Variants in STARD9 observed in about 807,000 individuals in gnomAD.
STARD9 encodes the protein stAR-related lipid transfer protein 9.
In STARD9, 346 loss-of-function variants were observed where a neutral mutation model predicts 399.8. That is an observed-to-expected ratio of 0.87 (90% CI 0.79 to 0.95). The LOEUF is 0.95. Among genes scored for constraint, STARD9 ranks in the 40% least tolerant of loss-of-function variants. The pLI is 0.00. For synonymous variants in STARD9, 2,203 were observed against 2,143.5 expected (o/e 1.03, Z -0.77); for missense variants, 5,832 against 5,667.5 (o/e 1.03, Z -0.93).
At chr15:42,677,089 TAAAAAAAAA>T (rs869040683) in intron 20 of STARD9, among the ~76,000 whole-genome samples, 19 of 53,606 alleles carry the variant, frequency 3.5e-4, no homozygotes, top group African/African-American at 8.7e-4. Flanking sequence ...CGTCTCTACT[TAAAAAAAAA>T]AAAAAAAAAA....
chr15:42,693,506 C>G lies in STARD9; in HGVS notation c.11928C>G (p.Phe3976Leu). ...SSLQRSNGRSFLELHSPHSPQ... is the reference protein window; with the variant it reads ...SSLQRSNGRSLLELHSPHSPQ... ...TACAAAGGAGTAATGGGAGATCCTT[C>G]CTTGAGTTGCACTCCCCACACAGCC... The change falls in exon 23 of 33, where the codon TTC becomes TTG. Residue 3976 changes from phenylalanine (F) to leucine (L), a missense_variant. Transcript: ENST00000290607. The G allele has an allele frequency of 6.5e-7, 1 of 1,537,248 alleles. No individual in the cohort carries two copies. The highest frequency in any genetic ancestry group is 1.2e-5 in the South Asian group (1 of 84,052).
intron 26 of STARD9, among the ~76,000 whole-genome samples, chr15:42,703,613 T>C (rs958348714): frequency 2.6e-5 from 4 of 151,616 alleles, no homozygotes; most frequent in African/African-American, 4.8e-5. Context: ...GACCTCATGA[T>C]CCACCCACCT....
rs1411873862 is a variant in STARD9 at position 42,687,917 on chromosome 15, G to C, written c.6339G>C (p.Gln2113His). The C allele has an allele frequency of 6.5e-7, 1 of 1,537,308 alleles. No individual in the cohort carries two copies. Reference sequence around the variant, plus strand: ...GAAACCCTTTGCCCTCTAAGGATCAGCCATCTTCTCCAAGACAGACAGATG... The same window carrying C: ...GAAACCCTTTGCCCTCTAAGGATCACCCATCTTCTCCAAGACAGACAGATG... ...SSGNPLPSKD[Q>H]PSSPRQTDDT... The change falls in exon 23 of 33, where the codon CAG becomes CAC. Residue 2113 changes from glutamine (Q) to histidine (H), a missense_variant. Gln to His is a conservative substitution (Grantham distance 24). This residue lies in a region of STARD9 where 5,828 missense variants were observed against 5,651.1 expected (regional missense o/e 1.03). Coordinates refer to ENST00000290607, the MANE Select transcript of STARD9 (RefSeq NM_020759.3).
rs2060719516 is a variant in STARD9, at chr15:42,692,005, A to G, written c.10427A>G (p.Glu3476Gly). The G allele has an allele frequency of 2.0e-6, 3 of 1,537,120 alleles. No individual in the cohort carries two copies. In the South Asian group the frequency reaches 3.6e-5, roughly 18 times the overall value. Residue 3476 changes from glutamate (E) to glycine (G), a missense_variant, in exon 23 of 33, where the codon GAG becomes GGG. Glu to Gly is a moderately conservative substitution (Grantham distance 98, BLOSUM62 -2). Around this residue, in one of 2 missense-constraint regions of STARD9, gnomAD observed 5,828 missense variants for 5,651.1 expected, o/e 1.03. Transcript: ENST00000290607. The stretch of plus-strand genomic sequence containing the variant: ...CCCTATGCGCTGCCGTGGCGTCCGG[A>G]GGAGCCTGCACGTATCAGCTGGAAG... ...ISPYALPWRP[E>G]EPARISWKQY...
intron 1 of STARD9, among the ~76,000 whole-genome samples, chr15:42,582,654 A>G (rs554989541): frequency 3.0e-4 from 45 of 152,206 alleles, no homozygotes; most frequent in African/African-American, 1.1e-3. Flanking sequence ...AAAATGAGAG[A>G]TGATGCCGTG....
Position 42,663,868 on chromosome 15 carries a change from G to A in STARD9, c.1127G>A (p.Arg376Lys), listed in dbSNP as rs1397462632. The part of the protein sequence containing the change: ...TSYSETMSTL[R>K]YASSAKNIIN... Reference sequence around the variant, plus strand: ...TACAGTGAGACCATGAGCACACTGAGATATGCATCCAGTGCCAAAAACATT... The same window carrying A: ...TACAGTGAGACCATGAGCACACTGAAATATGCATCCAGTGCCAAAAACATT... The change falls in exon 13 of 33, where the codon AGA (arginine) becomes AAA (lysine). Residue 376 changes from arginine to lysine, a missense_variant. Physicochemically the swap from Arg to Lys is conservative, Grantham distance 26 (BLOSUM62 2). Around this residue, in one of 2 missense-constraint regions of STARD9, gnomAD observed 5,828 missense variants for 5,651.1 expected, o/e 1.03. Transcript: ENST00000290607. 2 of 1,536,976 alleles carry A rather than the reference G, an allele frequency of 1.3e-6. No individual in the cohort carries two copies. Among genetic ancestry groups the A allele is most frequent in the African/African-American group, 2.7e-5 (2 of 73,056 alleles).
In STARD9 at chr15:42,685,521, T is replaced by C; in HGVS notation, c.3943T>C (p.Ser1315Pro). 6.5e-7 allele frequency: 1 copy of C among 1,537,454 alleles called. No individual in the cohort carries two copies. The highest frequency in any genetic ancestry group is 8.7e-7 in the Non-Finnish European group (1 of 1,146,964). Reference protein sequence around the residue: ...QAESQVEPSYSEQADSLQGMQ... With the variant: ...QAESQVEPSYPEQADSLQGMQ... Reference sequence around the variant, plus strand: ...TGAATCACAGGTAGAGCCAAGCTACTCTGAACAAGCCGACTCTCTCCAAGG... The same window carrying C: ...TGAATCACAGGTAGAGCCAAGCTACCCTGAACAAGCCGACTCTCTCCAAGG... The change falls in exon 23 of 33, where the codon TCT becomes CCT. Residue 1315 changes from serine to proline, a missense_variant. By Grantham distance (74) the Ser-to-Pro change is moderately conservative. Around this residue, in one of 2 missense-constraint regions of STARD9, gnomAD observed 5,828 missense variants for 5,651.1 expected, o/e 1.03. Transcript: ENST00000290607.
intron 9 of STARD9, among the ~76,000 whole-genome samples, chr15:42,657,431 A>C (rs2059899802): frequency 6.6e-6 from 1 of 152,166 alleles, no homozygotes. Context: ...AGGGTCAGTC[A>C]GTACATTGAA....
chr15:42,718,637 A>G, intron 31 of STARD9, 115 bp from the exon 32 acceptor site: 1 of 1,422,764 alleles, frequency 7.0e-7, no homozygotes, highest in Non-Finnish European at 9.6e-7. Flanking sequence ...GAGCCAGGGT[A>G]GGGGTGGCTT....
Position 42,694,356 on chromosome 15 carries a change from G to C in STARD9, c.12764+14G>C, listed in dbSNP as rs1180976791. ...GCTCTATGCACGGTAAGGACCCCCA[G>C]CCTGGAGTCGGGAGGGGAAGGGGTG... On this transcript the variant is annotated intron_variant, in intron 23 of 32. Transcript: ENST00000290607. The C allele has an allele frequency of 1.7e-5, 26 of 1,533,516 alleles. No homozygotes were observed. The highest frequency in any genetic ancestry group is 2.1e-5 in the Non-Finnish European group (24 of 1,144,810). The allele number at this position is 1,533,516 out of a possible 1,614,324, so 95.0% of individuals were successfully genotyped here.
chr15:42,633,294 A>G (rs961556062), intron 3 of STARD9, among the ~76,000 whole-genome samples: 1 of 152,254 alleles, frequency 6.6e-6, no homozygotes, highest in Non-Finnish European at 1.5e-5. Context: ...TGAAGTTTAC[A>G]AAGTTTAAGT....
In STARD9 at chr15:42,674,432, C is replaced by G; in HGVS notation, c.1498-8C>G. On this transcript the variant is annotated splice_region_variant and splice_polypyrimidine_tract_variant and intron_variant, in intron 16 of 32. Transcript: ENST00000290607. ...ATTCTCATTAAAATGGCTTTTTTCC[C>G]CCTTTAGGAAGGGACAACAAAAATA... 1 of 1,536,750 alleles carries G rather than the reference C, an allele frequency of 6.5e-7. No individual in the cohort carries two copies. The highest frequency in any genetic ancestry group is 8.7e-7 in the Non-Finnish European group (1 of 1,146,530).
chr15:42,643,253 G>A (rs1356336881), intron 7 of STARD9, among the ~76,000 whole-genome samples: 1 of 151,558 alleles, frequency 6.6e-6, no homozygotes, highest in African/African-American at 2.4e-5. Context: ...CTGGAGCGCA[G>A]TGGTAGGATC....
intron 3 of STARD9, among the ~76,000 whole-genome samples, chr15:42,588,030 G>A (rs184162742): frequency 6.6e-5 from 10 of 152,314 alleles, no homozygotes; most frequent in African/African-American, 2.4e-4. Flanking sequence ...TGTATTTGTG[G>A]CGTAGAAGAC....
At chr15:42,624,091 CTG>C (rs2059147610) in intron 3 of STARD9, among the ~76,000 whole-genome samples, 2 of 152,208 alleles carry the variant, frequency 1.3e-5, no homozygotes. Flanking sequence ...TTTCCTGAAA[CTG>C]TGGGTTTATG....
chr15:42,677,606 A>G (rs915607907), intron 20 of STARD9, among the ~76,000 whole-genome samples: 1 of 152,216 alleles, frequency 6.6e-6, no homozygotes, highest in African/African-American at 2.4e-5. Flanking sequence ...TAACACTGCA[A>G]CTTAAATAGC....
At chr15:42,597,279 T>G (rs990180482) in intron 3 of STARD9, among the ~76,000 whole-genome samples, 1 of 152,176 alleles carries the variant, frequency 6.6e-6, no homozygotes, top group African/African-American at 2.4e-5. Flanking sequence ...AATGCCAAGC[T>G]GGTCTTGAAC....
chr15:42,701,577 G>C (rs2060964018), intron 26 of STARD9, among the ~76,000 whole-genome samples: 1 of 152,056 alleles, frequency 6.6e-6, no homozygotes, highest in African/African-American at 2.4e-5. Flanking sequence ...ACTGATTTTT[G>C]TATGTTGATT....
rs185566203 is a variant in STARD9, at chr15:42,688,400, A to G, written c.6822A>G (p.Lys2274=). The change falls in exon 23 of 33, where the codon AAA becomes AAG. Residue 2274 remains lysine, a synonymous_variant. Transcript: ENST00000290607. ...SNQEEPKAQG[K]VEEMPMQRGG... is the part of the protein sequence containing the mutation. Reference sequence around the variant, plus strand: ...AAGAAGAGCCAAAAGCTCAAGGTAAAGTTGAAGAAATGCCTATGCAAAGGG... The same window carrying G: ...AAGAAGAGCCAAAAGCTCAAGGTAAGGTTGAAGAAATGCCTATGCAAAGGG... The G allele has an allele frequency of 2.6e-6, 4 of 1,537,604 alleles. No individual in the cohort carries two copies. In the Admixed American group the frequency reaches 7.8e-5, roughly 30 times the overall value.
Sources: allele counts gnomAD v4.1 joint callset (sites outside exome capture counted in the v4.1 genomes callset), GRCh38; gene constraint gnomAD v4.1.1; regional missense constraint gnomAD v4.1.1; transcripts MANE v1.5; gene names NCBI Gene and HGNC (gene_info 2026-07-23, HGNC 2026-07-21).